Variants in SDK2 observed in about 807,000 individuals in gnomAD.
SDK2 encodes the protein protein sidekick-2.
SDK2 carries 105 observed loss-of-function variants against 253.9 expected under a neutral mutation model. That is an observed-to-expected ratio of 0.41 (90% CI 0.35 to 0.49). SDK2 has a LOEUF of 0.49. Ranked by LOEUF, SDK2 falls within the 20% of genes least tolerant of loss-of-function variation. The probability of loss-of-function intolerance (pLI) is 0.06; values close to 1 mark genes in which losing one functional copy is unlikely to be tolerated. For synonymous variants in SDK2, 1,249 were observed against 1,234.9 expected (o/e 1.01, Z -0.24); for missense variants, 2,608 against 3,003.0 (o/e 0.87, Z 3.07).
chr17:73,557,254 G>A (rs998823427), intron 1 of SDK2, among the ~76,000 whole-genome samples: 5 of 152,066 alleles, frequency 3.3e-5, no homozygotes, highest in African/African-American at 1.2e-4. Flanking sequence ...GAACAAGCTC[G>A]ACCTTGCCAA....
intron 14 of SDK2, 91 bp downstream of exon 14, chr17:73,423,295 A>T (rs1353744064): frequency 1.6e-6 from 2 of 1,219,124 alleles, no homozygotes; most frequent in African/African-American, 1.6e-5. Flanking sequence ...GCCCAGAACT[A>T]GGAAGCAGGA....
At chr17:73,526,337 G>A (rs1281027748) in intron 1 of SDK2, among the ~76,000 whole-genome samples, 1 of 152,230 alleles carries the variant, frequency 6.6e-6, no homozygotes, top group African/African-American at 2.4e-5. Context: ...TCTGATTCAA[G>A]CCCTGGCTTT....
In SDK2 at chr17:73,400,952, A is replaced by G. The variant is rs1410078393; in HGVS notation, c.2971+68T>C. ...CATGAGCCACCACGCCCAGCCGACA[A>G]GGGGCCTCTTGAATGGGACGCTGCT... On this transcript the variant is annotated intron_variant, in intron 21 of 44. Transcript: ENST00000392650. The G allele has an allele frequency of 4.1e-6, 6 of 1,452,914 alleles. No homozygotes were observed. In the African/African-American group the frequency reaches 8.5e-5, roughly 20 times the overall value. 90.0% of individuals were successfully genotyped at this position (1,452,914 alleles called of 1,614,324 possible).
intron 18 of SDK2, among the ~76,000 whole-genome samples, chr17:73,402,796 T>C (rs2063039336): frequency 6.6e-6 from 1 of 151,668 alleles, no homozygotes; most frequent in Non-Finnish European, 1.5e-5. Flanking sequence ...TTATTATTTA[T>C]TTATTTATTT....
intron 1 of SDK2, among the ~76,000 whole-genome samples, chr17:73,620,300 T>C (rs1378202196): frequency 6.6e-6 from 1 of 151,704 alleles, no homozygotes; most frequent in Non-Finnish European, 1.5e-5. Context: ...CCATTAGTCA[T>C]CAGGGAAATA....
rs908575070 is a variant in SDK2, at chr17:73,642,535, C to T, written c.64+1490G>A. On this transcript the variant is annotated intron_variant, in intron 1 of 44. Transcript: ENST00000392650. The surrounding 1 kb of genome is among the most constrained non-coding windows in gnomAD (Gnocchi z 4.7). ...GAGAGGGGGCCCAGACCAAGGAGAC[C>T]CCATGCAGCTAGTCCTGGTTTGAGG... Among the ~76,000 whole-genome samples, 1 of 152,084 alleles carries T rather than the reference C, an allele frequency of 6.6e-6. No individual in the cohort carries two copies. The highest frequency in any genetic ancestry group is 1.5e-5 in the Non-Finnish European group (1 of 68,018).
At chr17:73,523,578 G>A (rs574896257) in intron 1 of SDK2, among the ~76,000 whole-genome samples, 91 of 152,104 alleles carry the variant, frequency 6.0e-4, no homozygotes, top group African/African-American at 2.0e-3. Flanking sequence ...CGCCAGAATC[G>A]CTAGCAGCCC....
chr17:73,407,114 A>G (rs1277849129), intron 18 of SDK2, among the ~76,000 whole-genome samples: 1 of 152,260 alleles, frequency 6.6e-6, no homozygotes, highest in East Asian at 1.9e-4. Context: ...CTAGCCATTA[A>G]CAGGGCCTAG....
In SDK2 at chr17:73,447,842, A is replaced by G. The variant is rs2063464747; in HGVS notation, c.480-94T>C. Reference sequence around the variant, plus strand: ...GAAACCCTAAGGGGGAAGCCCGACCATATCTCCCAGTCCCCAGCCTCCCAG... The same window carrying G: ...GAAACCCTAAGGGGGAAGCCCGACCGTATCTCCCAGTCCCCAGCCTCCCAG... On this transcript the variant is annotated intron_variant, in intron 4 of 44. Coordinates refer to ENST00000392650, the MANE Select transcript of SDK2 (RefSeq NM_001144952.2). This position sits in a 1 kb window ranked among gnomAD's most constrained non-coding sequence, Gnocchi z 4.0. 4.1e-6 allele frequency: 6 copies of G among 1,446,906 alleles called. No homozygotes were observed. Among genetic ancestry groups the G allele is most frequent in the South Asian group, 1.3e-5 (1 of 78,828 alleles). The allele number at this position is 1,446,906 out of a possible 1,614,324, so 89.6% of individuals were successfully genotyped here. A position where few individuals can be genotyped will look rare whatever the true frequency, so the allele number is the denominator to read the frequency against.
chr17:73,525,858 C>G (rs987566803), intron 1 of SDK2, among the ~76,000 whole-genome samples: 1 of 152,194 alleles, frequency 6.6e-6, no homozygotes, highest in Non-Finnish European at 1.5e-5. Context: ...ACCATTCATT[C>G]TTTCACTCAA....
rs1216195608 is a variant in SDK2, at chr17:73,496,425, C to G, written c.224+11013G>C. ...CGGTTTGCCAGGTAGCAGAGGCGTG[C>G]GAGGACGGTAGAGGTGGAGGACAGA... On this transcript the variant is annotated intron_variant, in intron 2 of 44. Coordinates refer to ENST00000392650, the MANE Select transcript of SDK2 (RefSeq NM_001144952.2). The surrounding 1 kb of genome is among the most constrained non-coding windows in gnomAD (Gnocchi z 4.7). Among the ~76,000 whole-genome samples the G allele has an allele frequency of 6.6e-6, 1 of 152,002 alleles. No homozygotes were observed. The highest frequency in any genetic ancestry group is 6.6e-5 in the Admixed American group (1 of 15,256).
chr17:73,612,136 A>T lies in SDK2; in HGVS notation c.64+31889T>A, dbSNP rs2045982178. Among the ~76,000 whole-genome samples the T allele has an allele frequency of 6.6e-6, 1 of 152,236 alleles. No individual in the cohort carries two copies. Among genetic ancestry groups the T allele is most frequent in the African/African-American group, 2.4e-5 (1 of 41,452 alleles). ...TTGAGAACTCGTTATGAAAATAAACAGCAATTCCTTTCACCCCCGCTGCAG... is the reference window on the plus strand; with the variant it reads ...TTGAGAACTCGTTATGAAAATAAACTGCAATTCCTTTCACCCCCGCTGCAG... On this transcript the variant is annotated intron_variant, in intron 1 of 44. Transcript: ENST00000392650. The surrounding 1 kb of genome is among the most constrained non-coding windows in gnomAD (Gnocchi z 4.4).
At chr17:73,483,628 T>G (rs2063745846) in intron 2 of SDK2, among the ~76,000 whole-genome samples, 1 of 101,654 alleles carries the variant, frequency 9.8e-6, no homozygotes, top group Non-Finnish European at 2.1e-5. Flanking sequence ...TATATATGTA[T>G]ATGTATATAT....
chr17:73,428,607 C>T (rs1266101846), intron 12 of SDK2, among the ~76,000 whole-genome samples: 1 of 152,182 alleles, frequency 6.6e-6, no homozygotes, highest in Non-Finnish European at 1.5e-5. Flanking sequence ...TAATAGTCTG[C>T]TTAGGGAACC....
chr17:73,567,057 C>G (rs1304000670), intron 1 of SDK2, among the ~76,000 whole-genome samples: 1 of 152,134 alleles, frequency 6.6e-6, no homozygotes, highest in Non-Finnish European at 1.5e-5. Context: ...AAAAAAAGAC[C>G]TGGAAGACAT....
At chr17:73,471,975 G>T in intron 3 of SDK2, 137 bp downstream of exon 3, 1 of 651,196 alleles carries the variant, frequency 1.5e-6, no homozygotes, top group Non-Finnish European at 2.7e-6. Flanking sequence ...TGAGGTTGCT[G>T]GCTGGAAGGG....
Position 73,383,942 on chromosome 17 carries a change from C to G in SDK2, c.4639G>C (p.Glu1547Gln). 6.2e-7 allele frequency: 1 copy of G among 1,613,958 alleles called. No individual in the cohort carries two copies. Among genetic ancestry groups the G allele is most frequent in the Non-Finnish European group, 8.5e-7 (1 of 1,179,878 alleles). ...FRIRYRELLY[E>Q]GLRGFTLRGI... The stretch of plus-strand genomic sequence containing the variant: ...CGAAGCGTGAAGCCCCTCAGTCCTT[C>G]ATAGAGCAGCTCCCGGTATCGGATC... Residue 1547 changes from glutamate to glutamine, a missense_variant, in exon 33 of 45, where the codon GAA (glutamate) becomes CAA (glutamine). Around this residue, in one of 2 missense-constraint regions of SDK2, gnomAD observed 1,103 missense variants for 1,143.9 expected, o/e 0.96. Coordinates refer to ENST00000392650, the MANE Select transcript of SDK2 (RefSeq NM_001144952.2). This position sits in a 1 kb window ranked among gnomAD's most constrained non-coding sequence, Gnocchi z 4.3.
At chr17:73,599,347 C>T (rs1010022738) in intron 1 of SDK2, among the ~76,000 whole-genome samples, 1 of 152,276 alleles carries the variant, frequency 6.6e-6, no homozygotes, top group East Asian at 1.9e-4. Context: ...GCCTGGCCAA[C>T]ATGGCGAAAC....
intron 12 of SDK2, among the ~76,000 whole-genome samples, chr17:73,426,208 C>CTTTTTTT (rs751417057): frequency 0.013 from 383 of 29,130 alleles, 40 homozygotes; most frequent in East Asian, 0.037. Flanking sequence ...CCATGCTGGG[C>CTTTTTTT]TTTTTTTTTT....
Sources: gnomAD v4.1 joint callset for allele counts (sites outside exome capture counted in the v4.1 genomes callset) on GRCh38, gnomAD v4.1.1 for gene constraint, gnomAD v4.1.1 regional missense constraint, Gnocchi (gnomAD v3.1) non-coding constraint, MANE v1.5 for transcripts, NCBI Gene and HGNC (gene_info 2026-07-23, HGNC 2026-07-21) for gene names.